The following CORO7 variants were observed in gnomAD, a reference collection of about 807,000 sequenced individuals.
CORO7 encodes the protein coronin 7.
In CORO7, 107 loss-of-function variants were observed where a neutral mutation model predicts 126.6. The observed-to-expected ratio is 0.85, with a 90% CI of 0.72 to 0.99. The LOEUF (loss-of-function observed/expected upper bound fraction) is 0.99. CORO7 is among the 50% of genes least tolerant of loss of function. CORO7 has a pLI of 0.00. For synonymous variants in CORO7, 603 were observed against 536.8 expected (o/e 1.12, Z -1.70); for missense variants, 1,314 against 1,255.8 (o/e 1.05, Z -0.70).
At chr16:4,391,427 G>A (rs950537063) in intron 7 of CORO7, among the ~76,000 whole-genome samples, 2 of 152,166 alleles carry the variant, frequency 1.3e-5, no homozygotes, top group Non-Finnish European at 2.9e-5. Flanking sequence ...ATGGTGGCAG[G>A]CGCCTGTAAT....
chr16:4,356,324 C>T (rs985213451), intron 26 of CORO7: 1 of 152,022 alleles, frequency 6.6e-6, no homozygotes, highest in Non-Finnish European at 1.5e-5. Flanking sequence ...TCTCAAACTC[C>T]ATCACTTATA....
chr16:4,376,682 C>T (rs1185703814), intron 9 of CORO7, among the ~76,000 whole-genome samples: 3 of 152,150 alleles, frequency 2.0e-5, no homozygotes, highest in African/African-American at 7.2e-5. Flanking sequence ...GGGTGGGCGT[C>T]CCCCTGGGAG....
intron 9 of CORO7, chr16:4,371,892 G>T (rs546297738): frequency 6.6e-6 from 1 of 152,124 alleles, no homozygotes; most frequent in South Asian, 2.1e-4. Flanking sequence ...GGACTCGAAC[G>T]CAGTTGCTTC....
At chr16:4,404,775 C>T (rs2055935129) in intron 6 of CORO7, among the ~76,000 whole-genome samples, 1 of 152,156 alleles carries the variant, frequency 6.6e-6, no homozygotes, top group Non-Finnish European at 1.5e-5. Flanking sequence ...CGGCAGAGAA[C>T]AGCTCTCACC....
intron 1 of CORO7, among the ~76,000 whole-genome samples, chr16:4,415,087 C>G (rs192982254): frequency 1.0e-3 from 154 of 152,152 alleles, no homozygotes; most frequent in African/African-American, 3.4e-3. Flanking sequence ...AGGCTGGTCT[C>G]GAACTCCTGA....
Position 4,388,030 on chromosome 16 carries a change from G to C in CORO7, c.741C>G (p.Phe247Leu). The C allele has an allele frequency of 6.2e-7, 1 of 1,613,150 alleles. No homozygotes were observed. Among genetic ancestry groups the C allele is most frequent in the Non-Finnish European group, 8.5e-7 (1 of 1,179,908 alleles). ...TGAGGGAGGCCAGGGCGCTGGAGAA[G>C]AACCGCGTGTCCCACAGCTTCACTT... is the stretch of plus-strand genomic sequence containing the variant. ...EREVKLWDTRFFSSALASLTL... is the reference protein window; with the variant it reads ...EREVKLWDTRLFSSALASLTL... Residue 247 changes from phenylalanine (F) to leucine (L), a missense_variant, in exon 9 of 28, where the codon TTC becomes TTG. Coordinates refer to ENST00000251166, the MANE Select transcript of CORO7 (RefSeq NM_024535.5).
At chr16:4,390,021 G>A (rs1011019156) in intron 7 of CORO7, among the ~76,000 whole-genome samples, 2 of 152,200 alleles carry the variant, frequency 1.3e-5, no homozygotes, top group Admixed American at 6.5e-5. Context: ...GGGTATTTGA[G>A]CCACACACTA....
At chr16:4,400,969 T>C (rs1356098455) in intron 6 of CORO7, among the ~76,000 whole-genome samples, 2 of 152,078 alleles carry the variant, frequency 1.3e-5, no homozygotes, top group African/African-American at 4.8e-5. Flanking sequence ...CTTAAAACTG[T>C]TCTCGAAAAT....
intron 12 of CORO7, 33 bp downstream of exon 12, chr16:4,364,742 G>GC: frequency 6.3e-7 from 1 of 1,599,604 alleles, no homozygotes; most frequent in South Asian, 1.1e-5. Context: ...CGACTCCCCA[G>GC]CCCCCGCAGT....
chr16:4,365,161 C>A, intron 10 of CORO7, 101 bp from the exon 11 acceptor site: 1 of 1,509,388 alleles, frequency 6.6e-7, no homozygotes, highest in Non-Finnish European at 8.9e-7. Context: ...ACCTGAGCCA[C>A]AGAACCACAG....
Position 4,361,455 on chromosome 16 carries a change from GC to G in CORO7, c.1592del (p.Gly531AlafsTer17), listed in dbSNP as rs1391373068. On this transcript the variant is annotated frameshift_variant, in exon 17 of 28. Transcript: ENST00000251166. LOFTEE classifies it high-confidence loss of function. ...TGGGCAGTGCCGTGTCGGGCAGGCG[GC>G]CAGGCTTCCGTAGCTGTGGGAGGTG... ...QVAVLELRKPGRLPDTALPTL... is the reference protein window; with the variant it reads ...QVAVLELRKPXRLPDTALPTL... 1 of 1,611,842 alleles carries G rather than the reference GC, an allele frequency of 6.2e-7. No individual in the cohort carries two copies. Among genetic ancestry groups the G allele is most frequent in the African/African-American group, 1.3e-5 (1 of 75,016 alleles).
chr16:4,394,318 G>A (rs571854011), intron 7 of CORO7, among the ~76,000 whole-genome samples: 19 of 152,102 alleles, frequency 1.2e-4, no homozygotes, highest in African/African-American at 3.1e-4. Context: ...GCGTGGTGGC[G>A]GTCGCCTGTA....
chr16:4,378,255 C>T (rs1322178219), intron 9 of CORO7, among the ~76,000 whole-genome samples: 1 of 152,176 alleles, frequency 6.6e-6, no homozygotes, highest in African/African-American at 2.4e-5. Context: ...GCTTGGACAC[C>T]TCTGAGCACA....
intron 9 of CORO7, chr16:4,380,922 G>A: frequency 6.3e-7 from 1 of 1,576,506 alleles, no homozygotes; most frequent in Non-Finnish European, 8.6e-7. Flanking sequence ...TCCTGCTACT[G>A]GCCCTGGGGC....
At chr16:4,375,428 T>C (rs1053934765) in intron 9 of CORO7, among the ~76,000 whole-genome samples, 6 of 152,218 alleles carry the variant, frequency 3.9e-5, no homozygotes, top group Admixed American at 6.5e-5. Flanking sequence ...ACCCTGGCTG[T>C]GCGGAGGACT....
intron 9 of CORO7, among the ~76,000 whole-genome samples, chr16:4,374,868 C>T (rs981320660): frequency 6.6e-6 from 1 of 152,088 alleles, no homozygotes; most frequent in Non-Finnish European, 1.5e-5. Flanking sequence ...TCCTTGGTGA[C>T]TAAGGTGTTC....
rs760746482 is a variant in CORO7, at chr16:4,361,345, C to A, written c.1687+16G>T. The A allele has an allele frequency of 1.9e-6, 3 of 1,611,652 alleles. No individual in the cohort carries two copies. Among genetic ancestry groups the A allele is most frequent in the Admixed American group, 3.3e-5 (2 of 59,868 alleles). ...CCCAGGACCCTCCCTCAAGCCCAGG[C>A]ACCCAGCCTCCTTACCCACAGCGAG... On this transcript the variant is annotated intron_variant, in intron 17 of 27. Transcript: ENST00000251166.
Position 4,359,533 on chromosome 16 carries a change from T to C in CORO7, c.2197A>G (p.Thr733Ala). The C allele has an allele frequency of 1.2e-6, 2 of 1,613,334 alleles. No homozygotes were observed. The highest frequency in any genetic ancestry group is 8.5e-7 in the Non-Finnish European group (1 of 1,179,914). The change falls in exon 22 of 28, where the codon ACC (threonine) becomes GCC (alanine). Residue 733 changes from threonine to alanine, a missense_variant. Physicochemically the swap from Thr to Ala is moderately conservative, Grantham distance 58. Coordinates refer to ENST00000251166, the MANE Select transcript of CORO7 (RefSeq NM_024535.5). ...TCTGGGTCGTAGCTGGGCAGCAGGG[T>C]TGAGGGAGCCACGTCCAGGCCCAAC... is the stretch of plus-strand genomic sequence containing the variant. Reference protein sequence around the residue: ...AVLGLDVAPSTLLPSYDPDTG... With the variant: ...AVLGLDVAPSALLPSYDPDTG...
chr16:4,358,294 C>A, intron 24 of CORO7, 73 bp downstream of exon 24: 3 of 1,562,746 alleles, frequency 1.9e-6, no homozygotes, highest in Non-Finnish European at 1.7e-6. Context: ...GAAGCTGGGT[C>A]AGACGGGACC....
Sources: allele counts gnomAD v4.1 joint callset (sites outside exome capture counted in the v4.1 genomes callset), GRCh38; gene constraint gnomAD v4.1.1; transcripts MANE v1.5; gene names NCBI Gene and HGNC (gene_info 2026-07-23, HGNC 2026-07-21).